SHTN1: variants seen among roughly 807,000 people sequenced by gnomAD.
SHTN1 encodes the protein shootin 1.
In SHTN1, 42 loss-of-function variants were observed where a neutral mutation model predicts 83.1. The ratio of observed to expected loss-of-function variants is 0.51; its 90% CI spans 0.39 to 0.65. The LOEUF is 0.65. Among genes scored for constraint, SHTN1 ranks in the 30% least tolerant of loss-of-function variants. The pLI, the probability that SHTN1 is intolerant of heterozygous loss-of-function variation, is 0.00. For missense variants in SHTN1, 622 were observed against 737.8 expected (o/e 0.84, Z 1.82); for synonymous variants, 224 against 247.7 (o/e 0.90, Z 0.90).
At chr10:116,972,198 C>T (rs543533168) in intron 2 of SHTN1, among the ~76,000 whole-genome samples, 1 of 152,308 alleles carries the variant, frequency 6.6e-6, no homozygotes, top group Admixed American at 6.5e-5. Flanking sequence ...CACACTAATC[C>T]TATGGTTATC....
intron 1 of SHTN1, among the ~76,000 whole-genome samples, chr10:117,051,999 C>CATATATATATATATATATACAT (rs1852748876): frequency 2.9e-5 from 1 of 34,116 alleles, no homozygotes; most frequent in South Asian, 5.9e-4. Context: ...ATGACATAAT[C>CATATATATATATATATATACAT]ATATATATAT....
At chr10:117,024,244 G>A (rs1195955031) in intron 2 of SHTN1, among the ~76,000 whole-genome samples, 1 of 151,952 alleles carries the variant, frequency 6.6e-6, no homozygotes, top group African/African-American at 2.4e-5. Flanking sequence ...ACTGGGTCAG[G>A]GATTGACTGA....
chr10:116,975,198 G>A (rs1850756294), intron 2 of SHTN1, among the ~76,000 whole-genome samples: 1 of 152,066 alleles, frequency 6.6e-6, no homozygotes, highest in African/African-American at 2.4e-5. Context: ...CACATCATTT[G>A]CTTATACTCT....
chr10:116,897,147 T>TAA (rs1847552666), intron 16 of SHTN1, among the ~76,000 whole-genome samples: 2 of 152,212 alleles, frequency 1.3e-5, no homozygotes, highest in African/African-American at 4.8e-5. Context: ...TAAAAAGGTC[T>TAA]AAATGCATTT....
At chr10:116,960,912 G>A (rs1391987597) in intron 3 of SHTN1, among the ~76,000 whole-genome samples, 1 of 152,104 alleles carries the variant, frequency 6.6e-6, no homozygotes, top group Non-Finnish European at 1.5e-5. Context: ...TGTCACCAAT[G>A]CTCGAAAAAT....
At chr10:116,984,329 G>A (rs1414241453) in intron 1 of SHTN1, among the ~76,000 whole-genome samples, 1 of 152,184 alleles carries the variant, frequency 6.6e-6, no homozygotes, top group Admixed American at 6.5e-5. Flanking sequence ...TAAATTTCAA[G>A]TGCTCGATAG....
chr10:116,941,244 T>C (rs1849363006), intron 8 of SHTN1, among the ~76,000 whole-genome samples: 1 of 152,230 alleles, frequency 6.6e-6, no homozygotes. Flanking sequence ...GCTAAGTTCC[T>C]CTACTATTTG....
At chr10:116,890,769 G>T (rs1225889574) in intron 16 of SHTN1, among the ~76,000 whole-genome samples, 1 of 152,220 alleles carries the variant, frequency 6.6e-6, no homozygotes, top group Non-Finnish European at 1.5e-5. Context: ...CTAGTAAAAG[G>T]AAAGACCTGA....
At chr10:116,887,457 T>G (rs980641411) in intron 16 of SHTN1, among the ~76,000 whole-genome samples, 1 of 152,128 alleles carries the variant, frequency 6.6e-6, no homozygotes, top group Non-Finnish European at 1.5e-5. Context: ...TCAGGCCTTT[T>G]TGTCCCTGAG....
chr10:116,915,113 T>C (rs1204756512), intron 13 of SHTN1, among the ~76,000 whole-genome samples: 1 of 152,186 alleles, frequency 6.6e-6, no homozygotes, highest in Non-Finnish European at 1.5e-5. Flanking sequence ...TTGTTATTTG[T>C]TTGGTGTAAC....
At chr10:117,123,834 G>A (rs1853965884) in intron 1 of SHTN1, among the ~76,000 whole-genome samples, 1 of 150,242 alleles carries the variant, frequency 6.7e-6, no homozygotes, top group Non-Finnish European at 1.5e-5. Flanking sequence ...GCTTGAACCC[G>A]AGAGGCAGTG....
At chr10:116,966,429 A>C (rs991160735) in intron 3 of SHTN1, among the ~76,000 whole-genome samples, 2 of 152,198 alleles carry the variant, frequency 1.3e-5, no homozygotes, top group Admixed American at 6.5e-5. Context: ...CCAAACCTTA[A>C]ATTAATTAAA....
intron 1 of SHTN1, among the ~76,000 whole-genome samples, chr10:117,099,043 C>CA (rs1554939113): frequency 1.5e-4 from 23 of 150,890 alleles, no homozygotes; most frequent in African/African-American, 5.6e-4. Context: ...CACACACACA[C>CA]ACCATAAAAA....
At chr10:117,024,356 T>C (rs967328355) in intron 2 of SHTN1, among the ~76,000 whole-genome samples, 6 of 142,122 alleles carry the variant, frequency 4.2e-5, no homozygotes, top group Admixed American at 2.1e-4. Flanking sequence ...TTCTTTTTTT[T>C]TTTTTTTTTT....
Position 116,951,905 on chromosome 10 carries a change from A to C in SHTN1, c.534+4T>G, listed in dbSNP as rs1194389807. 6.5e-7 allele frequency: 1 copy of C among 1,545,140 alleles called. No individual in the cohort carries two copies. The highest frequency in any genetic ancestry group is 8.9e-7 in the Non-Finnish European group (1 of 1,126,558). ...CCCTTGCCTTTCAGGCCTGAGATAC[A>C]TACTTCTTCAATTACTTCTACGAGT... On this transcript the variant is annotated splice_donor_region_variant and intron_variant, in intron 6 of 16. Transcript: ENST00000355371.
chr10:116,886,596 T>TA lies in SHTN1; in HGVS notation c.1674-31dup, dbSNP rs149273896. The TA allele has an allele frequency of 1.9e-3, 3,044 of 1,609,770 alleles. 69 individuals are homozygous for TA. The East Asian group carries it at 0.049, about 26-fold the overall frequency. ...GAGATGAAGAGTTAGACAAAAAAAG[T>TA]AAAAAGCAGAGAGAGAAAATAGTTG... On this transcript the variant is annotated intron_variant, in intron 16 of 16. Coordinates refer to ENST00000355371, the MANE Select transcript of SHTN1 (RefSeq NM_001127211.3).
intron 1 of SHTN1, among the ~76,000 whole-genome samples, chr10:116,996,537 A>T (rs550756904): frequency 5.9e-5 from 9 of 152,342 alleles, no homozygotes; most frequent in Non-Finnish European, 1.3e-4. Flanking sequence ...ACTCCAGCTG[A>T]AGACACTTTG....
At chr10:117,057,075 T>C (rs1852835145) in intron 1 of SHTN1, among the ~76,000 whole-genome samples, 2 of 152,044 alleles carry the variant, frequency 1.3e-5, no homozygotes, top group Admixed American at 6.6e-5. Flanking sequence ...AGAAATAAAC[T>C]GCCCCCATTT....
chr10:117,110,497 G>A (rs1055393809), intron 1 of SHTN1, among the ~76,000 whole-genome samples: 2 of 151,634 alleles, frequency 1.3e-5, no homozygotes, highest in South Asian at 4.2e-4. Flanking sequence ...GACTACAGGT[G>A]CACACCGCCA....
Sources: allele counts gnomAD v4.1 joint callset (sites outside exome capture counted in the v4.1 genomes callset), GRCh38; gene constraint gnomAD v4.1.1; transcripts MANE v1.5; gene names NCBI Gene and HGNC (gene_info 2026-07-23, HGNC 2026-07-21).